MALRD1: variants seen among roughly 807,000 people sequenced by gnomAD.
MALRD1 encodes the protein MAM and LDL receptor class A domain containing 1, also known as MAM and LDL-receptor class A domain-containing protein 1.
In MALRD1, 247 loss-of-function variants were observed where a neutral mutation model predicts 242.1. The observed-to-expected ratio is 1.02, with a 90% CI of 0.92 to 1.13. The LOEUF (loss-of-function observed/expected upper bound fraction) is 1.13. MALRD1 is among the 50% of genes most tolerant of loss of function. The pLI is 0.00. For synonymous variants in MALRD1, 995 were observed against 866.6 expected (o/e 1.15, Z -2.60); for missense variants, 2,989 against 2,533.1 (o/e 1.18, Z -3.86).
Position 19,109,140 on chromosome 10 carries a change from G to C in MALRD1, c.694+5065G>C, listed in dbSNP as rs117997413. On this transcript the variant is annotated intron_variant, in intron 5 of 39. Transcript: ENST00000454679. ...GCTGTAGTCAACATCAGTAATACCT[G>C]AAGGTGTCTCATTGGCTCAGGTTAT... is the stretch of plus-strand genomic sequence containing the variant. Among the ~76,000 whole-genome samples, 733 of 152,284 alleles carry C rather than the reference G, an allele frequency of 4.8e-3. 34 individuals carry two copies. In the East Asian group the frequency reaches 0.1, roughly 21 times the overall value.
intron 29 of MALRD1, among the ~76,000 whole-genome samples, chr10:19,458,632 C>T (rs959388961): frequency 5.9e-5 from 9 of 152,162 alleles, no homozygotes; most frequent in South Asian, 4.1e-4. Flanking sequence ...TTTAGTTAAA[C>T]GGGTCAATAA....
intron 31 of MALRD1, among the ~76,000 whole-genome samples, chr10:19,530,382 T>TAGAA (rs71200983): frequency 6.0e-5 from 1 of 16,540 alleles, no homozygotes; most frequent in Non-Finnish European, 1.6e-4. Flanking sequence ...TATATAAATA[T>TAGAA]TATATATTTA....
At chr10:19,293,003 G>C (rs952050581) in intron 21 of MALRD1, among the ~76,000 whole-genome samples, 1 of 151,564 alleles carries the variant, frequency 6.6e-6, no homozygotes, top group African/African-American at 2.4e-5. Flanking sequence ...TCAGTGAAGA[G>C]AAAATATTAT....
At chr10:19,576,966 T>G (rs1409015289) in intron 33 of MALRD1, among the ~76,000 whole-genome samples, 3 of 27,290 alleles carry the variant, frequency 1.1e-4, no homozygotes, top group African/African-American at 4.6e-4. Context: ...ACATTGTCGT[T>G]TTTTTTTTTT....
intron 32 of MALRD1, among the ~76,000 whole-genome samples, chr10:19,566,518 G>A (rs1488728210): frequency 6.6e-6 from 1 of 151,428 alleles, no homozygotes; most frequent in Non-Finnish European, 1.5e-5. Flanking sequence ...TTAGTAAGAG[G>A]GAGGTCACTG....
intron 36 of MALRD1, among the ~76,000 whole-genome samples, chr10:19,679,450 G>T (rs1351784532): frequency 1.3e-5 from 2 of 152,074 alleles, no homozygotes; most frequent in African/African-American, 4.8e-5. Flanking sequence ...TTGCATAGAG[G>T]TATTTACACT....
intron 21 of MALRD1, among the ~76,000 whole-genome samples, chr10:19,292,892 CAAAAAAAAAA>C (rs57002523): frequency 5.5e-5 from 4 of 72,860 alleles, no homozygotes; most frequent in South Asian, 5.2e-4. Context: ...GACTCTGCCT[CAAAAAAAAAA>C]AAAAAAAAAA....
chr10:19,553,559 A>T (rs1358921408), intron 32 of MALRD1, among the ~76,000 whole-genome samples: 1 of 152,284 alleles, frequency 6.6e-6, no homozygotes, highest in East Asian at 1.9e-4. Context: ...TTTAAATTGA[A>T]ACCTGGGGCT....
chr10:19,539,723 G>A (rs548497597), intron 32 of MALRD1, among the ~76,000 whole-genome samples: 1 of 151,868 alleles, frequency 6.6e-6, no homozygotes, highest in African/African-American at 2.4e-5. Context: ...GTCTCACTCT[G>A]TCACCCAGGC....
At chr10:19,076,317 A>G (rs1021843282) in intron 2 of MALRD1, among the ~76,000 whole-genome samples, 1 of 151,762 alleles carries the variant, frequency 6.6e-6, no homozygotes, top group Non-Finnish European at 1.5e-5. Flanking sequence ...CTATCTATGT[A>G]CTTACTTATT....
At chr10:19,292,349 G>T (rs1841480608) in intron 21 of MALRD1, among the ~76,000 whole-genome samples, 1 of 151,974 alleles carries the variant, frequency 6.6e-6, no homozygotes, top group African/African-American at 2.4e-5. Context: ...TGATTACCTG[G>T]AAGTGATGGA....
In MALRD1 at chr10:19,382,424, T is replaced by C. The variant is rs148588246; in HGVS notation, c.4442-5104T>C. On this transcript the variant is annotated intron_variant, in intron 26 of 39. Coordinates refer to ENST00000454679, the MANE Select transcript of MALRD1 (RefSeq NM_001142308.3). ...AGAAATGGACATAGTAAAAGGAACG[T>C]TGGCATAAAAGTTAGAATATCTGAA... 3.3e-5 allele frequency among the ~76,000 whole-genome samples: 5 copies of C among 152,218 alleles called. No homozygotes were observed. In the East Asian group the frequency reaches 9.7e-4, roughly 29 times the overall value.
chr10:19,161,756 G>A (rs751018666), intron 12 of MALRD1, among the ~76,000 whole-genome samples: 54 of 152,214 alleles, frequency 3.5e-4, no homozygotes, highest in Non-Finnish European at 7.5e-4. Context: ...GAGGCCAGGC[G>A]CAGTGGCTCT....
chr10:19,312,400 A>ATATATATATATATATATATATATATG (rs1491220851), intron 21 of MALRD1, among the ~76,000 whole-genome samples: 22 of 143,614 alleles, frequency 1.5e-4, no homozygotes, highest in African/African-American at 5.7e-4. Context: ...ATATATATAT[A>ATATATATATATATATATATATATATG]TGTGTATATG....
chr10:19,554,658 C>T (rs532133507), intron 32 of MALRD1, among the ~76,000 whole-genome samples: 5 of 152,184 alleles, frequency 3.3e-5, no homozygotes, highest in African/African-American at 1.2e-4. Context: ...GTTTTCTGTT[C>T]CTGTGTTAGC....
At chr10:19,291,388 C>A (rs1025593629) in intron 21 of MALRD1, 5 of 152,032 alleles carry the variant, frequency 3.3e-5, no homozygotes, top group African/African-American at 1.2e-4. Context: ...GGATTAAAAT[C>A]TCTGGGAATG....
chr10:19,357,978 TCCCTAGGAGTCAC>T (rs1844709362), intron 26 of MALRD1, among the ~76,000 whole-genome samples: 1 of 151,860 alleles, frequency 6.6e-6, no homozygotes, highest in African/African-American at 2.4e-5. Flanking sequence ...TATTATTAAG[TCCCTAGGAGTCAC>T]ATTTAAGAGC....
chr10:19,126,571 G>A (rs1040603572), intron 7 of MALRD1, among the ~76,000 whole-genome samples: 3 of 151,744 alleles, frequency 2.0e-5, no homozygotes, highest in Non-Finnish European at 2.9e-5. Flanking sequence ...ATTTCCTAGT[G>A]TATCTTAATA....
At chr10:19,447,401 T>C (rs1158971955) in intron 28 of MALRD1, among the ~76,000 whole-genome samples, 1 of 152,228 alleles carries the variant, frequency 6.6e-6, no homozygotes, top group Non-Finnish European at 1.5e-5. Flanking sequence ...TTATAGTACA[T>C]CACCATTAGG....
Sources: allele counts gnomAD v4.1 joint callset (sites outside exome capture counted in the v4.1 genomes callset), GRCh38; gene constraint gnomAD v4.1.1; transcripts MANE v1.5; gene names NCBI Gene and HGNC (gene_info 2026-07-23, HGNC 2026-07-21).